KLHL42: variants seen among roughly 807,000 people sequenced by gnomAD.
The protein encoded by KLHL42 is kelch-like protein 42.
In KLHL42, 27 loss-of-function variants were observed where a neutral mutation model predicts 32.7. That is an observed-to-expected ratio of 0.83 (90% CI 0.61 to 1.14). KLHL42 has a LOEUF of 1.14. KLHL42 is among the 50% of genes most tolerant of loss of function. KLHL42 has a pLI of 0.00. For synonymous variants in KLHL42, 267 were observed against 248.2 expected (o/e 1.08, Z -0.71); for missense variants, 491 against 560.8 (o/e 0.88, Z 1.26).
rs549333404 is a variant in KLHL42 at position 27,795,692 on chromosome 12, G to T, written c.1067-2023G>T. Among the ~76,000 whole-genome samples, 12 of 152,278 alleles carry T rather than the reference G, an allele frequency of 7.9e-5. No individual in the cohort carries two copies. In the South Asian group the frequency reaches 2.5e-3, roughly 32 times the overall value. ...AGTCAAGTGAGACTTTTAAAATTTA[G>T]TAAATAATAGCTCATTATTTTTATG... On this transcript the variant is annotated intron_variant, in intron 2 of 2. Transcript: ENST00000381271.
intron 1 of KLHL42, among the ~76,000 whole-genome samples, chr12:27,785,142 T>C (rs34929926): frequency 0.31 from 47,349 of 152,028 alleles, 9,078 homozygotes; most frequent in African/African-American, 0.55. Context: ...CTCTCAACCA[T>C]GGCTGGTTAC....
intron 2 of KLHL42, chr12:27,797,263 C>A (rs537472807): frequency 1.1e-5 from 5 of 456,824 alleles, no homozygotes; most frequent in Admixed American, 9.4e-5. Flanking sequence ...TCTGGAGATC[C>A]TGTGTTGCTA....
In KLHL42 at chr12:27,799,620, CTG is replaced by C. The variant is rs781320099; in HGVS notation, c.*1457_*1458del. The C allele has an allele frequency of 5.9e-5, 9 of 152,554 alleles. No homozygotes were observed. The highest frequency in any genetic ancestry group is 5.8e-4 in the East Asian group (3 of 5,190). The allele number at this position is 152,554 out of a possible 1,614,324, so 9.5% of individuals were successfully genotyped here. ...ATGAGTGCCTGGAGTATGCCGTCCA[CTG>C]TGCAGATGTAGGACAGGGGCTAATC... On this transcript the variant is annotated 3_prime_UTR_variant, in exon 3 of 3. Transcript: ENST00000381271.
chr12:27,780,296 T>A lies in KLHL42; in HGVS notation c.-35T>A. ...GGGCTGGGAGGCCGGCGCGCAGATC[T>A]GGCGGTGAGCGCTGCCGCCCCGGGG... is the stretch of plus-strand genomic sequence containing the variant. On this transcript the variant is annotated 5_prime_UTR_variant, in exon 1 of 3. Transcript: ENST00000381271. This position sits in a 1 kb window ranked among gnomAD's most constrained non-coding sequence, Gnocchi z 8.8. The A allele has an allele frequency of 6.6e-7, 1 of 1,520,514 alleles. No homozygotes were observed. Among genetic ancestry groups the A allele is most frequent in the Non-Finnish European group, 8.8e-7 (1 of 1,137,798 alleles). The allele number at this position is 1,520,514 out of a possible 1,614,324, so 94.2% of individuals were successfully genotyped here. A position where few individuals can be genotyped will look rare whatever the true frequency, so the allele number is the denominator to read the frequency against.
intron 1 of KLHL42, among the ~76,000 whole-genome samples, chr12:27,782,026 C>T (rs1180759877): frequency 6.6e-6 from 1 of 152,154 alleles, no homozygotes; most frequent in Admixed American, 6.5e-5. Context: ...ATGGTAGCGC[C>T]TAGGAGGCCT....
At chr12:27,781,452 C>A (rs2140810621) in intron 1 of KLHL42, among the ~76,000 whole-genome samples, 1 of 152,302 alleles carries the variant, frequency 6.6e-6, no homozygotes, top group South Asian at 2.1e-4. Context: ...GGTGAAACTG[C>A]TTTCTTTGCC....
chr12:27,792,818 C>T (rs530032443), intron 2 of KLHL42, among the ~76,000 whole-genome samples: 28 of 152,270 alleles, frequency 1.8e-4, no homozygotes, highest in South Asian at 8.3e-4. Flanking sequence ...CCACCGTGCC[C>T]GGCCTGGTTC....
At chr12:27,792,053 C>T in intron 2 of KLHL42, 152 bp downstream of exon 2, 1 of 615,548 alleles carries the variant, frequency 1.6e-6, no homozygotes, top group Non-Finnish European at 2.9e-6. Context: ...AAGAGAGTTC[C>T]ATATGGCAGG....
chr12:27,788,437 C>T (rs1388145185), intron 1 of KLHL42, among the ~76,000 whole-genome samples: 1 of 152,190 alleles, frequency 6.6e-6, no homozygotes, highest in African/African-American at 2.4e-5. Context: ...TCGAAGCCAC[C>T]CAGACCTCTG....
chr12:27,795,671 A>G (rs560176316), intron 2 of KLHL42, among the ~76,000 whole-genome samples: 1 of 152,212 alleles, frequency 6.6e-6, no homozygotes, highest in African/African-American at 2.4e-5. Context: ...TTCTTAAGTC[A>G]AGTGAGACTT....
chr12:27,794,748 G>T (rs1387517270), intron 2 of KLHL42, among the ~76,000 whole-genome samples: 3 of 152,050 alleles, frequency 2.0e-5, no homozygotes, highest in African/African-American at 7.2e-5. Context: ...GCAACCCACT[G>T]AAGTGATGTG....
At chr12:27,783,857 T>C (rs1341937659) in intron 1 of KLHL42, among the ~76,000 whole-genome samples, 1 of 152,166 alleles carries the variant, frequency 6.6e-6, no homozygotes, top group Non-Finnish European at 1.5e-5. Flanking sequence ...GTGCTGGGAT[T>C]ACAGGCGTGA....
At chr12:27,781,789 G>T (rs1167747565) in intron 1 of KLHL42, among the ~76,000 whole-genome samples, 1 of 152,142 alleles carries the variant, frequency 6.6e-6, no homozygotes, top group Non-Finnish European at 1.5e-5. Flanking sequence ...ATGACCCACA[G>T]CTTGAGCCTG....
At chr12:27,793,273 C>T (rs2062205133) in intron 2 of KLHL42, among the ~76,000 whole-genome samples, 1 of 151,612 alleles carries the variant, frequency 6.6e-6, no homozygotes, top group Admixed American at 6.6e-5. Flanking sequence ...GATGTGGTGT[C>T]ATGTACCTGT....
In KLHL42 at chr12:27,800,307, A is replaced by G. The variant is rs922954512; in HGVS notation, c.*2141A>G. 26 of 984,410 alleles carry G rather than the reference A, an allele frequency of 2.6e-5. No individual in the cohort carries two copies. The highest frequency in any genetic ancestry group is 3.1e-5 in the Non-Finnish European group (26 of 829,794). The allele number at this position is 984,410 out of a possible 1,614,324, so 61.0% of individuals were successfully genotyped here. ...AAGTGAGGGTGTACTCTGATCCACA[A>G]AGCTCTTTTATAAACCAGGTTTGAG... is the stretch of plus-strand genomic sequence containing the variant. On this transcript the variant is annotated 3_prime_UTR_variant, in exon 3 of 3. Coordinates refer to ENST00000381271, the MANE Select transcript of KLHL42 (RefSeq NM_020782.2).
At chr12:27,783,749 T>C (rs1478088255) in intron 1 of KLHL42, among the ~76,000 whole-genome samples, 1 of 151,020 alleles carries the variant, frequency 6.6e-6, no homozygotes, top group Non-Finnish European at 1.5e-5. Context: ...ACCCGGCTAA[T>C]TTTTTTTTGT....
rs2062145965 is a variant in KLHL42 at position 27,781,126 on chromosome 12, C to T, written c.796C>T (p.Gln266Ter). 3.1e-6 allele frequency: 5 copies of T among 1,614,146 alleles called. No individual in the cohort carries two copies. Among genetic ancestry groups the T allele is most frequent in the East Asian group, 2.2e-5 (1 of 44,888 alleles). ...AGTGGGCGGGTACAGGATCACTAGC[C>T]AGGAGATCTCCGCTGCGCATTCCTA... ...FIVGGYRITS[Q>*]EISAAHSYNP... The change falls in exon 1 of 3, where the codon CAG (glutamine) becomes TAG (stop). Residue 266 changes from glutamine (Q) to a stop codon, truncating the protein, a stop_gained. Coordinates refer to ENST00000381271, the MANE Select transcript of KLHL42 (RefSeq NM_020782.2). LOFTEE classifies it high-confidence loss of function.
chr12:27,791,981 A>G (rs1226791393), intron 2 of KLHL42, 80 bp downstream of exon 2: 1 of 1,169,938 alleles, frequency 8.5e-7, no homozygotes, highest in South Asian at 1.3e-5. Context: ...TGTCAGAGGA[A>G]GCCCCGACAT....
chr12:27,794,812 T>C (rs551389574), intron 2 of KLHL42, among the ~76,000 whole-genome samples: 1 of 152,082 alleles, frequency 6.6e-6, no homozygotes, highest in East Asian at 1.9e-4. Context: ...CTTTTTTTTT[T>C]CCCACTCCAA....
Sources: allele counts gnomAD v4.1 joint callset (sites outside exome capture counted in the v4.1 genomes callset), GRCh38; gene constraint gnomAD v4.1.1; non-coding constraint Gnocchi (gnomAD v3.1); transcripts MANE v1.5; gene names NCBI Gene and HGNC (gene_info 2026-07-23, HGNC 2026-07-21).